TLL1: variants seen among roughly 807,000 people sequenced by gnomAD.
The protein encoded by TLL1 is tolloid like 1.
Under a neutral mutation model 128.2 loss-of-function variants are expected in TLL1, and 49 were observed. The ratio of observed to expected loss-of-function variants is 0.38; its 90% CI spans 0.30 to 0.48. The LOEUF (loss-of-function observed/expected upper bound fraction) is 0.48. Ranked by LOEUF, TLL1 falls within the 20% of genes least tolerant of loss-of-function variation. The pLI, the probability that TLL1 is intolerant of heterozygous loss-of-function variation, is 0.96. For missense variants in TLL1, 1,123 were observed against 1,242.0 expected (o/e 0.90, Z 1.44); for synonymous variants, 454 against 418.8 (o/e 1.08, Z -1.03).
chr4:165,932,351 A>C (rs1358301293), intron 1 of TLL1, among the ~76,000 whole-genome samples: 4 of 152,222 alleles, frequency 2.6e-5, no homozygotes, highest in Non-Finnish European at 5.9e-5. Context: ...TTCTCAGTTG[A>C]TTAAAAAATG....
intron 1 of TLL1, among the ~76,000 whole-genome samples, chr4:165,924,333 T>A (rs1481973729): frequency 3.3e-5 from 5 of 152,202 alleles, no homozygotes; most frequent in Non-Finnish European, 1.5e-5. Context: ...ACATTAAAAG[T>A]GCTACTCTGG....
intron 1 of TLL1, among the ~76,000 whole-genome samples, chr4:165,963,354 TGTTGA>T (rs1233315813): frequency 6.6e-6 from 1 of 152,068 alleles, no homozygotes; most frequent in Non-Finnish European, 1.5e-5. Flanking sequence ...AGAAAAGAAC[TGTTGA>T]GTTGGAGAAT....
At chr4:165,960,896 C>T (rs541654400) in intron 1 of TLL1, among the ~76,000 whole-genome samples, 1 of 152,162 alleles carries the variant, frequency 6.6e-6, no homozygotes, top group Non-Finnish European at 1.5e-5. Flanking sequence ...GAAGCCATTC[C>T]CTTGAGAACT....
At chr4:165,964,462 G>A (rs188716116) in intron 1 of TLL1, among the ~76,000 whole-genome samples, 47 of 152,266 alleles carry the variant, frequency 3.1e-4, no homozygotes, top group Non-Finnish European at 5.7e-4. Flanking sequence ...GGGCATGATG[G>A]ACCTAAGAGC....
intron 1 of TLL1, among the ~76,000 whole-genome samples, chr4:165,914,204 G>A (rs73860883): frequency 0.076 from 11,504 of 151,952 alleles, 1,390 homozygotes; most frequent in African/African-American, 0.26. Context: ...CTCTATTAGC[G>A]TGTGAAAAAT....
intron 3 of TLL1, among the ~76,000 whole-genome samples, chr4:165,993,702 TA>T (rs2111017120): frequency 6.6e-6 from 1 of 152,092 alleles, no homozygotes; most frequent in East Asian, 1.9e-4. Flanking sequence ...GCAACAAAAA[TA>T]TTATGAAAGG....
chr4:165,931,764 A>T (rs1326078893), intron 1 of TLL1, among the ~76,000 whole-genome samples: 1 of 151,778 alleles, frequency 6.6e-6, no homozygotes, highest in African/African-American at 2.4e-5. Context: ...CAGATACTGC[A>T]CGGGGTAGTT....
rs751853789 is a variant in TLL1 at position 165,985,813 on chromosome 4, G to A, written c.170-3568G>A. On this transcript the variant is annotated intron_variant, in intron 1 of 20. Transcript: ENST00000061240. ...AAAAAAATGTTTGTTGTGCATTAAC[G>A]GCAAATAACCTTTAGGAGAAAAACA... is the stretch of plus-strand genomic sequence containing the variant. Among the ~76,000 whole-genome samples the A allele has an allele frequency of 4.0e-5, 6 of 151,872 alleles. No homozygotes were observed. In the East Asian group the frequency reaches 5.8e-4, roughly 15 times the overall value.
chr4:165,907,990 G>A (rs1732347856), intron 1 of TLL1, among the ~76,000 whole-genome samples: 1 of 152,188 alleles, frequency 6.6e-6, no homozygotes, highest in African/African-American at 2.4e-5. Context: ...CTCTTTACCA[G>A]TTCACCACGG....
intron 9 of TLL1, among the ~76,000 whole-genome samples, chr4:166,030,268 G>A (rs907731874): frequency 6.6e-6 from 1 of 152,026 alleles, no homozygotes; most frequent in Non-Finnish European, 1.5e-5. Context: ...GATAACTTGG[G>A]CATCTTTTTG....
At chr4:165,905,748 A>G (rs1732219217) in intron 1 of TLL1, among the ~76,000 whole-genome samples, 1 of 152,220 alleles carries the variant, frequency 6.6e-6, no homozygotes, top group Admixed American at 6.5e-5. Context: ...ATTAAGAGTG[A>G]TAATGTTGGA....
chr4:165,919,689 G>A, intron 1 of TLL1: 1 of 391,124 alleles, frequency 2.6e-6, no homozygotes, highest in South Asian at 1.9e-5. Flanking sequence ...CTTATTCTAG[G>A]CTTTCATCCC....
At chr4:166,007,892 T>C in intron 6 of TLL1, 51 bp from the exon 7 acceptor site, 1 of 1,229,270 alleles carries the variant, frequency 8.1e-7, no homozygotes, top group Middle Eastern at 1.9e-4. Context: ...TTCTGGTCTA[T>C]TTTCTGTCAG....
chr4:165,995,596 C>G (rs769702710), intron 5 of TLL1, among the ~76,000 whole-genome samples: 6 of 152,192 alleles, frequency 3.9e-5, no homozygotes, highest in Non-Finnish European at 7.3e-5. Context: ...CACACCTGGT[C>G]TGTTTATACA....
At chr4:165,901,746 C>CTGT (rs1732001653) in intron 1 of TLL1, among the ~76,000 whole-genome samples, 1 of 152,204 alleles carries the variant, frequency 6.6e-6, no homozygotes, top group African/African-American at 2.4e-5. Context: ...AGGAGGCAGT[C>CTGT]TGTTCCTTAG....
intron 6 of TLL1, among the ~76,000 whole-genome samples, chr4:166,004,218 A>G (rs1453225975): frequency 1.3e-5 from 2 of 152,164 alleles, no homozygotes; most frequent in Non-Finnish European, 2.9e-5. Flanking sequence ...ACGTGCATAA[A>G]GATCAGTATA....
chr4:165,979,920 G>A lies in TLL1; in HGVS notation c.170-9461G>A, dbSNP rs79168920. Among the ~76,000 whole-genome samples the A allele has an allele frequency of 6.9e-3, 1,048 of 152,182 alleles. 11 individuals are homozygous for A. The highest frequency in any genetic ancestry group is 0.042 in the East Asian group (217 of 5,170). ...TACATCATGATTTCTAAATAGAGAGGGAGAACCAGTCTTGTTGACTGACTG... is the reference window on the plus strand; with the variant it reads ...TACATCATGATTTCTAAATAGAGAGAGAGAACCAGTCTTGTTGACTGACTG... On this transcript the variant is annotated intron_variant, in intron 1 of 20. Coordinates refer to ENST00000061240, the MANE Select transcript of TLL1 (RefSeq NM_012464.5).
intron 1 of TLL1, among the ~76,000 whole-genome samples, chr4:165,979,103 C>T (rs1560787100): frequency 1.3e-5 from 2 of 152,006 alleles, no homozygotes; most frequent in Admixed American, 6.6e-5. Context: ...ATTGCTGCTG[C>T]CATTATTACT....
intron 1 of TLL1, among the ~76,000 whole-genome samples, chr4:165,891,478 T>G (rs762066423): frequency 1.3e-5 from 2 of 152,206 alleles, no homozygotes; most frequent in Non-Finnish European, 2.9e-5. Context: ...CTCAAGTCAC[T>G]TCTTGAATGC....
Sources: gnomAD v4.1 joint callset for allele counts (sites outside exome capture counted in the v4.1 genomes callset) on GRCh38, gnomAD v4.1.1 for gene constraint, MANE v1.5 for transcripts, NCBI Gene and HGNC (gene_info 2026-07-23, HGNC 2026-07-21) for gene names.